Variants in SESTD1 observed in about 807,000 individuals in gnomAD.
SESTD1 encodes the protein SEC14 and spectrin domain containing 1.
SESTD1 carries 43 observed loss-of-function variants against 101.7 expected under a neutral mutation model. That is an observed-to-expected ratio of 0.42 (90% CI 0.33 to 0.55). The LOEUF (loss-of-function observed/expected upper bound fraction) is 0.55. SESTD1 is among the 20% of genes least tolerant of loss of function. The pLI, the probability that SESTD1 is intolerant of heterozygous loss-of-function variation, is 0.07. For missense variants in SESTD1, 647 were observed against 815.1 expected (o/e 0.79, Z 2.51); for synonymous variants, 283 against 286.8 (o/e 0.99, Z 0.13).
At chr2:179,141,771 T>C (rs1158151330) in intron 9 of SESTD1, among the ~76,000 whole-genome samples, 1 of 152,122 alleles carries the variant, frequency 6.6e-6, no homozygotes, top group Non-Finnish European at 1.5e-5. Context: ...GTTCAGAATA[T>C]GATTTTTGTA....
Position 179,252,124 on chromosome 2 carries a change from C to A in SESTD1, c.-26+12375G>T, listed in dbSNP as rs1293305900. Reference sequence around the variant, plus strand: ...TAAATATTCTCTCAAGGTTCAAAAGCAGTTTAGCTCAAATGACATTTTAAC... The same window carrying A: ...TAAATATTCTCTCAAGGTTCAAAAGAAGTTTAGCTCAAATGACATTTTAAC... On this transcript the variant is annotated intron_variant, in intron 1 of 17. Transcript: ENST00000428443. Among the ~76,000 whole-genome samples, 6 of 152,174 alleles carry A rather than the reference C, an allele frequency of 3.9e-5. No individual in the cohort carries two copies. The East Asian group carries it at 1.2e-3, about 29-fold the overall frequency.
chr2:179,246,445 T>C (rs984494405), intron 1 of SESTD1, among the ~76,000 whole-genome samples: 1 of 151,956 alleles, frequency 6.6e-6, no homozygotes, highest in Admixed American at 6.6e-5. Flanking sequence ...AAAAGACAAA[T>C]GCACAGTTAT....
intron 11 of SESTD1, 109 bp from the exon 12 acceptor site, chr2:179,123,938 A>T: frequency 1.3e-6 from 1 of 754,908 alleles, no homozygotes; most frequent in South Asian, 1.8e-5. Flanking sequence ...ACACTTGAAA[A>T]GACTACACTG....
chr2:179,187,173 T>C (rs1006322813), intron 2 of SESTD1, among the ~76,000 whole-genome samples: 1 of 152,090 alleles, frequency 6.6e-6, no homozygotes, highest in Non-Finnish European at 1.5e-5. Context: ...TTTAATTACA[T>C]AGCCCACAGA....
chr2:179,165,860 G>C (rs1052239812), intron 5 of SESTD1, among the ~76,000 whole-genome samples: 1 of 152,142 alleles, frequency 6.6e-6, no homozygotes, highest in East Asian at 1.9e-4. Flanking sequence ...CATCTACTTA[G>C]GATGTAGAAA....
At chr2:179,197,333 C>T (rs1033518086) in intron 1 of SESTD1, among the ~76,000 whole-genome samples, 11 of 152,140 alleles carry the variant, frequency 7.2e-5, no homozygotes, top group Admixed American at 4.6e-4. Context: ...CTACATCTCA[C>T]TGGAGTACCT....
At chr2:179,203,570 A>G (rs1455576489) in intron 1 of SESTD1, among the ~76,000 whole-genome samples, 1 of 134,780 alleles carries the variant, frequency 7.4e-6, no homozygotes, top group Non-Finnish European at 1.6e-5. Flanking sequence ...TCTCTTCTAT[A>G]GGCTGCTCCT....
intron 4 of SESTD1, among the ~76,000 whole-genome samples, chr2:179,173,341 A>G (rs1376456660): frequency 6.6e-6 from 1 of 152,168 alleles, no homozygotes; most frequent in African/African-American, 2.4e-5. Flanking sequence ...ACGTTTGCTT[A>G]ACTGCTTATT....
At chr2:179,217,924 GAAC>G (rs2046749065) in intron 1 of SESTD1, among the ~76,000 whole-genome samples, 1 of 148,996 alleles carries the variant, frequency 6.7e-6, no homozygotes, top group Admixed American at 6.8e-5. Flanking sequence ...GGTGGAAACT[GAAC>G]AACGAGAACA....
rs1329692996 is a variant in SESTD1 at position 179,102,616 on chromosome 2, G to GA, written c.*7282dup. On this transcript the variant is annotated 3_prime_UTR_variant, in exon 18 of 18. Coordinates refer to ENST00000428443, the MANE Select transcript of SESTD1 (RefSeq NM_178123.5). ...TTCCCAGCCCTTAAAATTTTAATAG[G>GA]AAAAATCGAATAAACCATACATATT... 4 of 151,930 alleles carry GA rather than the reference G, an allele frequency of 2.6e-5. No individual in the cohort carries two copies. Among genetic ancestry groups the GA allele is most frequent in the Admixed American group, 6.6e-5 (1 of 15,238 alleles). The allele number at this position is 151,930 out of a possible 1,614,324, so 9.4% of individuals were successfully genotyped here.
chr2:179,213,134 G>T (rs1348693369), intron 1 of SESTD1, among the ~76,000 whole-genome samples: 1 of 135,296 alleles, frequency 7.4e-6, no homozygotes, highest in African/African-American at 2.9e-5. Context: ...AACAAAGCTG[G>T]ATGGAGAATG....
chr2:179,136,575 A>G (rs1447967715), intron 9 of SESTD1, among the ~76,000 whole-genome samples: 2 of 152,196 alleles, frequency 1.3e-5, no homozygotes, highest in East Asian at 3.8e-4. Flanking sequence ...TGATAAAATG[A>G]CTTTTAAGTA....
chr2:179,238,395 T>G (rs1356501698), intron 1 of SESTD1, among the ~76,000 whole-genome samples: 2 of 152,216 alleles, frequency 1.3e-5, no homozygotes, highest in Non-Finnish European at 2.9e-5. Context: ...TTAGAAATCC[T>G]GTCATGATCA....
chr2:179,176,629 A>G (rs2046017317), intron 3 of SESTD1, 91 bp from the exon 4 acceptor site: 1 of 942,844 alleles, frequency 1.1e-6, no homozygotes, highest in South Asian at 1.6e-5. Context: ...ACTTAATCGC[A>G]TATGGAGTAG....
intron 9 of SESTD1, among the ~76,000 whole-genome samples, chr2:179,136,131 T>C (rs2045137622): frequency 6.6e-6 from 1 of 152,194 alleles, no homozygotes; most frequent in Non-Finnish European, 1.5e-5. Context: ...CTGCCACTAC[T>C]GGTGGGTCTG....
chr2:179,148,989 G>A lies in SESTD1; in HGVS notation c.581+308C>T, dbSNP rs940140581. Among the ~76,000 whole-genome samples the A allele has an allele frequency of 9.6e-4, 139 of 145,130 alleles. 1 individual carries two copies. The highest frequency in any genetic ancestry group is 3.3e-3 in the African/African-American group (126 of 38,374). On this transcript the variant is annotated intron_variant, in intron 7 of 17. Transcript: ENST00000428443. ...GCAGGAGAATGGCGGGAACCCAGGA[G>A]GCGGAGCTTGCAGTAAGCCGAGATA...
Position 179,104,421 on chromosome 2 carries a change from C to T in SESTD1, c.*5478G>A, listed in dbSNP as rs113867255. The T allele has an allele frequency of 2.0e-5, 3 of 152,100 alleles. No individual in the cohort carries two copies. The highest frequency in any genetic ancestry group is 7.2e-5 in the African/African-American group (3 of 41,420). The allele number at this position is 152,100 out of a possible 1,614,324, so 9.4% of individuals were successfully genotyped here. A position where few individuals can be genotyped will look rare whatever the true frequency, so the allele number is the denominator to read the frequency against. On this transcript the variant is annotated 3_prime_UTR_variant, in exon 18 of 18. Coordinates refer to ENST00000428443, the MANE Select transcript of SESTD1 (RefSeq NM_178123.5). ...AACATACAAATTTTATTTACCCTAA[C>T]TTCCAGACTAAAAAAGAATCTGTAA...
chr2:179,178,871 T>G (rs1249242328), intron 3 of SESTD1, among the ~76,000 whole-genome samples: 3 of 152,238 alleles, frequency 2.0e-5, no homozygotes, highest in Non-Finnish European at 4.4e-5. Context: ...TACATTTATA[T>G]TTCAAAGCAC....
At chr2:179,174,963 G>A (rs1374384476) in intron 4 of SESTD1, among the ~76,000 whole-genome samples, 1 of 151,178 alleles carries the variant, frequency 6.6e-6, no homozygotes. Context: ...AAAAAAAGGT[G>A]GGATGGGGGG....
Sources: allele counts gnomAD v4.1 joint callset (sites outside exome capture counted in the v4.1 genomes callset), GRCh38; gene constraint gnomAD v4.1.1; transcripts MANE v1.5; gene names NCBI Gene and HGNC (gene_info 2026-07-23, HGNC 2026-07-21).